Variants in RBM33 observed in about 807,000 individuals in gnomAD.
RBM33 encodes the protein RNA binding motif protein 33, also known as RNA-binding protein 33.
RBM33 carries 28 observed loss-of-function variants against 132.6 expected under a neutral mutation model. The ratio of observed to expected loss-of-function variants is 0.21; its 90% confidence interval spans 0.16 to 0.29. RBM33 has a LOEUF of 0.29. RBM33 is among the 10% of genes least tolerant of loss of function. The pLI is 1.00. For missense variants in RBM33, 1,291 were observed against 1,518.5 expected, an observed-to-expected ratio of 0.85 and a Z score of 2.49; for synonymous variants, 634 against 593.0, an observed-to-expected ratio of 1.07 and a Z score of -1.01.
At chr7:155,730,231 C>CA (rs1228695252) in intron 9 of RBM33, among the ~76,000 whole-genome samples, 2 of 152,138 alleles carry the variant, frequency 1.3e-5, no homozygotes, top group Non-Finnish European at 2.9e-5. Context: ...ATTCAAGAGA[C>CA]AGAGTTTCTA....
intron 9 of RBM33, among the ~76,000 whole-genome samples, chr7:155,730,846 A>G (rs1277116718): frequency 6.6e-6 from 1 of 152,230 alleles, no homozygotes; most frequent in Non-Finnish European, 1.5e-5. Context: ...GTTAAAGGAA[A>G]GAAAGTTTTG....
intron 12 of RBM33, among the ~76,000 whole-genome samples, chr7:155,740,289 A>G (rs1162311122): frequency 6.6e-6 from 1 of 152,226 alleles, no homozygotes; most frequent in African/African-American, 2.4e-5. Context: ...TTGTATCTAG[A>G]TATTTCTATA....
rs918410740 is a variant in RBM33 at position 155,701,173 on chromosome 7, A to AT, written c.739+231dup. Reference sequence around the variant, plus strand: ...ATGCTTGAATAAAATGTTTAAGATAATTAAAAAAAATTTTTTTTTGAGTCT... The same window carrying AT: ...ATGCTTGAATAAAATGTTTAAGATAATTTAAAAAAAATTTTTTTTTGAGTCT... On this transcript the variant is annotated intron_variant, in intron 6 of 17. Coordinates refer to ENST00000401878, the MANE Select transcript of RBM33 (RefSeq NM_053043.3). The AT allele has an allele frequency of 1.7e-4, 91 of 533,844 alleles. 1 individual carries two copies. The highest frequency in any genetic ancestry group is 2.4e-4 in the Non-Finnish European group (76 of 310,494). 33.1% of individuals were successfully genotyped at this position (533,844 alleles called of 1,614,324 possible).
rs1157865843 is a variant in RBM33, at chr7:155,776,808, T to A, written c.*1767T>A. 2.0e-5 allele frequency: 3 copies of A among 152,270 alleles called. No homozygotes were observed. The highest frequency in any genetic ancestry group is 7.2e-5 in the African/African-American group (3 of 41,462). 9.4% of individuals were successfully genotyped at this position (152,270 alleles called of 1,614,324 possible). Reference sequence around the variant, plus strand: ...TCCAGGGAGCAGGTCTGTGTGCCCATCAGCAGGTTCCCATGGCTGTCACTG... The same window carrying A: ...TCCAGGGAGCAGGTCTGTGTGCCCAACAGCAGGTTCCCATGGCTGTCACTG... On this transcript the variant is annotated 3_prime_UTR_variant, in exon 18 of 18. Coordinates refer to ENST00000401878, the MANE Select transcript of RBM33 (RefSeq NM_053043.3). The surrounding 1 kb of genome is among the most constrained non-coding windows in gnomAD (Gnocchi z 4.0).
intron 1 of RBM33, among the ~76,000 whole-genome samples, chr7:155,660,781 A>C (rs984831420): frequency 2.0e-5 from 3 of 152,230 alleles, no homozygotes; most frequent in Admixed American, 1.3e-4. Context: ...AATATTTTCC[A>C]GTACCTTTTG....
At chr7:155,712,107 G>A (rs1006968737) in intron 8 of RBM33, among the ~76,000 whole-genome samples, 3 of 152,242 alleles carry the variant, frequency 2.0e-5, no homozygotes, top group African/African-American at 7.2e-5. Context: ...CTATTGGAAT[G>A]CCTGAACTGT....
intron 13 of RBM33, among the ~76,000 whole-genome samples, chr7:155,743,523 T>C (rs1801417920): frequency 6.6e-6 from 1 of 152,270 alleles, no homozygotes; most frequent in African/African-American, 2.4e-5. Flanking sequence ...CACCGTAGTA[T>C]AAATGGAATG....
intron 8 of RBM33, among the ~76,000 whole-genome samples, chr7:155,713,680 A>G (rs1480081695): frequency 1.3e-5 from 2 of 152,200 alleles, no homozygotes; most frequent in Non-Finnish European, 2.9e-5. Flanking sequence ...AGGCCACTGT[A>G]TTGACAGACT....
intron 16 of RBM33, among the ~76,000 whole-genome samples, chr7:155,771,000 G>T (rs1053203428): frequency 2.6e-5 from 4 of 152,168 alleles, no homozygotes; most frequent in African/African-American, 9.7e-5. Flanking sequence ...CTCAGAAGTT[G>T]TCTGAAGATG....
At chr7:155,704,779 C>T (rs1301851136) in intron 6 of RBM33, among the ~76,000 whole-genome samples, 1 of 152,062 alleles carries the variant, frequency 6.6e-6, no homozygotes, top group African/African-American at 2.4e-5. Flanking sequence ...TGCTTGTACA[C>T]CCACAGAATA....
intron 14 of RBM33, among the ~76,000 whole-genome samples, chr7:155,763,009 A>G (rs1042356000): frequency 6.6e-6 from 1 of 152,238 alleles, no homozygotes; most frequent in Non-Finnish European, 1.5e-5. Context: ...ACCCTAAGAC[A>G]TGTTTATGCT....
intron 5 of RBM33, among the ~76,000 whole-genome samples, chr7:155,683,843 C>T (rs1447826055): frequency 6.6e-6 from 1 of 152,108 alleles, no homozygotes; most frequent in Non-Finnish European, 1.5e-5. Context: ...TCTGTAAAAA[C>T]AATTTCAGGT....
intron 14 of RBM33, among the ~76,000 whole-genome samples, chr7:155,748,551 C>T (rs1034919462): frequency 6.6e-6 from 1 of 152,174 alleles, no homozygotes; most frequent in African/African-American, 2.4e-5. Context: ...AATTGTGAAT[C>T]AAATGGAGTT....
intron 8 of RBM33, among the ~76,000 whole-genome samples, chr7:155,717,572 A>AC (rs919244908): frequency 1.2e-4 from 18 of 152,080 alleles, no homozygotes; most frequent in Non-Finnish European, 2.4e-4. Context: ...GTTCAGCCCC[A>AC]CAGTACCTGA....
intron 1 of RBM33, among the ~76,000 whole-genome samples, chr7:155,653,293 A>G (rs887978745): frequency 6.6e-6 from 1 of 152,150 alleles, no homozygotes; most frequent in African/African-American, 2.4e-5. Flanking sequence ...TTAACTAATT[A>G]CATCTGCATA....
intron 15 of RBM33, among the ~76,000 whole-genome samples, chr7:155,765,394 A>G (rs1358906983): frequency 6.6e-6 from 1 of 152,160 alleles, no homozygotes; most frequent in Non-Finnish European, 1.5e-5. Flanking sequence ...ACCCCTTGCA[A>G]CTGTTTTAAA....
In RBM33 at chr7:155,680,607, T is replaced by C; in HGVS notation, c.266T>C (p.Ile89Thr). Residue 89 changes from isoleucine to threonine, a missense_variant, in exon 5 of 18, where the codon ATT becomes ACT. Transcript: ENST00000401878. ...EENFSSQGVTISLNATSGMVT... is the reference protein window; with the variant it reads ...EENFSSQGVTTSLNATSGMVT... ...CTCTCTAGTTCTCAGGGTGTTACAA[T>C]TAGTCTGAATGCTACATCTGGCATG... 1 of 1,599,104 alleles carries C rather than the reference T, an allele frequency of 6.3e-7. No homozygotes were observed. The highest frequency in any genetic ancestry group is 8.5e-7 in the Non-Finnish European group (1 of 1,174,318).
chr7:155,685,239 G>T (rs922982019), intron 5 of RBM33, among the ~76,000 whole-genome samples: 1 of 152,180 alleles, frequency 6.6e-6, no homozygotes, highest in Non-Finnish European at 1.5e-5. Context: ...TCCGCATAGC[G>T]TGTGCCGTTT....
intron 12 of RBM33, 37 bp downstream of exon 12, chr7:155,740,063 G>A: frequency 6.8e-7 from 1 of 1,479,154 alleles, no homozygotes; most frequent in Non-Finnish European, 9.0e-7. Flanking sequence ...TGTCTTCCTG[G>A]GAGGCCTTTT....
Sources: allele counts gnomAD v4.1 joint callset (sites outside exome capture counted in the v4.1 genomes callset), GRCh38; gene constraint gnomAD v4.1.1; non-coding constraint Gnocchi (gnomAD v3.1); transcripts MANE v1.5; gene names NCBI Gene and HGNC (gene_info 2026-07-23, HGNC 2026-07-21).